ZNF385D: variants seen among roughly 807,000 people sequenced by gnomAD.
ZNF385D encodes the protein zinc finger protein 659.
In ZNF385D, 15 loss-of-function variants were observed where a neutral mutation model predicts 35.8. That is an observed-to-expected ratio of 0.42 (90% CI 0.28 to 0.64). The LOEUF is 0.64. Among genes scored for constraint, ZNF385D ranks in the 30% least tolerant of loss-of-function variants. The pLI, the probability that ZNF385D is intolerant of heterozygous loss-of-function variation, is 0.23. For synonymous variants in ZNF385D, 212 were observed against 186.8 expected, an observed-to-expected ratio of 1.13 and a Z score of -1.10; for missense variants, 474 against 494.6, an observed-to-expected ratio of 0.96 and a Z score of 0.39.
At chr3:21,813,551 T>G (rs918406644) in intron 3 of ZNF385D, among the ~76,000 whole-genome samples, 3 of 152,134 alleles carry the variant, frequency 2.0e-5, no homozygotes, top group Non-Finnish European at 4.4e-5. Context: ...ATTATGCGAC[T>G]CATGCACAAG....
chr3:21,790,805 T>G (rs1288172982), intron 3 of ZNF385D, among the ~76,000 whole-genome samples: 1 of 152,242 alleles, frequency 6.6e-6, no homozygotes, highest in Non-Finnish European at 1.5e-5. Flanking sequence ...TTAAGGAGTT[T>G]CCTTATTATT....
chr3:21,694,998 A>C (rs1236065374), intron 1 of ZNF385D, among the ~76,000 whole-genome samples: 4 of 152,230 alleles, frequency 2.6e-5, no homozygotes, highest in Non-Finnish European at 4.4e-5. Flanking sequence ...GCTCCACCAC[A>C]AAATTGCTTC....
intron 3 of ZNF385D, among the ~76,000 whole-genome samples, chr3:21,965,795 A>G (rs531154682): frequency 7.5e-4 from 115 of 152,322 alleles, no homozygotes; most frequent in Non-Finnish European, 1.3e-3. Flanking sequence ...TTTAGGGATA[A>G]AAGGGCAAAA....
intron 4 of ZNF385D, among the ~76,000 whole-genome samples, chr3:21,470,867 A>G (rs1703838017): frequency 6.6e-6 from 1 of 152,164 alleles, no homozygotes; most frequent in South Asian, 2.1e-4. Flanking sequence ...ATACCTTTAT[A>G]AACCTGGAAC....
intron 3 of ZNF385D, among the ~76,000 whole-genome samples, chr3:21,544,596 T>C (rs1356053667): frequency 6.6e-6 from 1 of 152,172 alleles, no homozygotes; most frequent in African/African-American, 2.4e-5. Context: ...TGTGAACATA[T>C]TGACTGAATT....
chr3:21,866,471 C>T (rs543161882), intron 3 of ZNF385D, among the ~76,000 whole-genome samples: 2 of 152,014 alleles, frequency 1.3e-5, no homozygotes, highest in East Asian at 1.9e-4. Context: ...AAGAAATACT[C>T]GCCAGGTTTT....
chr3:22,283,919 T>G (rs1701895658), intron 2 of ZNF385D, among the ~76,000 whole-genome samples: 3 of 152,158 alleles, frequency 2.0e-5, no homozygotes, highest in Admixed American at 2.0e-4. Flanking sequence ...CTTTTAGTTC[T>G]TTAGGAAAAA....
chr3:21,500,269 A>G (rs1706262432), intron 4 of ZNF385D, among the ~76,000 whole-genome samples: 1 of 152,208 alleles, frequency 6.6e-6, no homozygotes, highest in Non-Finnish European at 1.5e-5. Context: ...AGTTTTTACT[A>G]TTAAAATAAT....
At chr3:21,548,046 G>C (rs1172337090) in intron 3 of ZNF385D, among the ~76,000 whole-genome samples, 1 of 152,090 alleles carries the variant, frequency 6.6e-6, no homozygotes, top group African/African-American at 2.4e-5. Context: ...TCCTCTTCCC[G>C]TGTGAAACCT....
At chr3:22,031,995 G>C (rs2125482840) in intron 3 of ZNF385D, among the ~76,000 whole-genome samples, 1 of 152,284 alleles carries the variant, frequency 6.6e-6, no homozygotes, top group South Asian at 2.1e-4. Flanking sequence ...CAGATCTCTA[G>C]GGCAGGGGCA....
Position 21,735,710 on chromosome 3 carries a change from G to A in ZNF385D, c.22+15185C>T, listed in dbSNP as rs139571517. Among the ~76,000 whole-genome samples the A allele has an allele frequency of 2.6e-5, 4 of 152,208 alleles. No homozygotes were observed. In the East Asian group the frequency reaches 5.8e-4, roughly 22 times the overall value. On this transcript the variant is annotated intron_variant, in intron 1 of 7. Transcript: ENST00000281523. Reference sequence around the variant, plus strand: ...TCCTTCACTTAATTTTTGTTGCTTCGACATCTCTGGGAACTGCAAGGCATA... The same window carrying A: ...TCCTTCACTTAATTTTTGTTGCTTCAACATCTCTGGGAACTGCAAGGCATA...
intron 3 of ZNF385D, among the ~76,000 whole-genome samples, chr3:21,991,895 C>T (rs112791712): frequency 6.6e-6 from 1 of 152,186 alleles, no homozygotes; most frequent in African/African-American, 2.4e-5. Flanking sequence ...GGATTTTACA[C>T]TCCAATCTTT....
At chr3:22,056,586 A>G (rs1699413484) in intron 3 of ZNF385D, among the ~76,000 whole-genome samples, 1 of 152,238 alleles carries the variant, frequency 6.6e-6, no homozygotes, top group African/African-American at 2.4e-5. Flanking sequence ...CCAAAAAACA[A>G]AACAATAAAA....
intron 2 of ZNF385D, among the ~76,000 whole-genome samples, chr3:21,633,037 G>A (rs2125839334): frequency 6.6e-6 from 1 of 152,048 alleles, no homozygotes; most frequent in East Asian, 1.9e-4. Flanking sequence ...TAACTTACTT[G>A]AAATGAAAAT....
chr3:22,217,842 G>T (rs1330081586), intron 2 of ZNF385D, among the ~76,000 whole-genome samples: 1 of 152,046 alleles, frequency 6.6e-6, no homozygotes, highest in East Asian at 1.9e-4. Context: ...AATATTTCCT[G>T]AATTTTTCTC....
At chr3:22,140,257 C>G (rs1237819234) in intron 3 of ZNF385D, among the ~76,000 whole-genome samples, 1 of 152,126 alleles carries the variant, frequency 6.6e-6, no homozygotes, top group Non-Finnish European at 1.5e-5. Flanking sequence ...TAAAAAGGAA[C>G]AGATTATTGA....
chr3:21,862,732 G>C (rs925688547), intron 3 of ZNF385D, among the ~76,000 whole-genome samples: 2 of 152,116 alleles, frequency 1.3e-5, no homozygotes, highest in African/African-American at 2.4e-5. Context: ...CCTCCCCAAG[G>C]GCTCCTTATA....
intron 3 of ZNF385D, among the ~76,000 whole-genome samples, chr3:22,155,197 A>T (rs1363000761): frequency 2.0e-5 from 3 of 152,150 alleles, no homozygotes; most frequent in Non-Finnish European, 4.4e-5. Context: ...TGTATCAATA[A>T]AAATAAATAA....
intron 3 of ZNF385D, among the ~76,000 whole-genome samples, chr3:22,015,610 C>A (rs1218204325): frequency 6.6e-6 from 1 of 152,064 alleles, no homozygotes; most frequent in Non-Finnish European, 1.5e-5. Flanking sequence ...GCTGTGAATT[C>A]TCATGTGTGA....
Sources: gnomAD v4.1 joint callset for allele counts (sites outside exome capture counted in the v4.1 genomes callset) on GRCh38, gnomAD v4.1.1 for gene constraint, MANE v1.5 for transcripts, NCBI Gene and HGNC (gene_info 2026-07-23, HGNC 2026-07-21) for gene names.